Variants in SHROOM3 observed in about 807,000 individuals in gnomAD.
SHROOM3 encodes shroom family member 3.
In SHROOM3, 47 loss-of-function variants were observed where a neutral mutation model predicts 138.6. The observed-to-expected ratio is 0.34, with a 90% CI of 0.27 to 0.43. The LOEUF (loss-of-function observed/expected upper bound fraction) is 0.43, where lower values mean the gene tolerates loss of function less well. Among genes scored for constraint, SHROOM3 ranks in the 20% least tolerant of loss-of-function variants. The pLI, the probability that SHROOM3 is intolerant of heterozygous loss-of-function variation, is 1.00. For missense variants in SHROOM3, 2,491 were observed against 2,596.5 expected (o/e 0.96, Z 0.88); for synonymous variants, 1,062 against 1,063.3 (o/e 1.00, Z 0.02).
At chr4:76,548,484 C>T (rs1733274303) in intron 1 of SHROOM3, among the ~76,000 whole-genome samples, 1 of 152,202 alleles carries the variant, frequency 6.6e-6, no homozygotes, top group Non-Finnish European at 1.5e-5. Context: ...TGCCTCAAAG[C>T]ACCACGTCAA....
At chr4:76,639,479 T>A (rs551953151) in intron 2 of SHROOM3, 1 of 397,836 alleles carries the variant, frequency 2.5e-6, no homozygotes, top group Non-Finnish European at 4.4e-6. Flanking sequence ...CAGCTCTGAG[T>A]GCGTGGTGAG....
chr4:76,477,517 A>T (rs1731512512), intron 1 of SHROOM3, among the ~76,000 whole-genome samples: 1 of 151,986 alleles, frequency 6.6e-6, no homozygotes, highest in South Asian at 2.1e-4. Flanking sequence ...TAAATTTTGG[A>T]ATTATTCTCA....
chr4:76,591,029 GA>G (rs1734263048), intron 2 of SHROOM3, among the ~76,000 whole-genome samples: 1 of 152,156 alleles, frequency 6.6e-6, no homozygotes, highest in Non-Finnish European at 1.5e-5. Flanking sequence ...AATAGGTAGG[GA>G]AAGTAATAAT....
intron 2 of SHROOM3, among the ~76,000 whole-genome samples, chr4:76,605,204 C>A (rs191262307): frequency 1.3e-5 from 2 of 152,050 alleles, no homozygotes; most frequent in African/African-American, 4.8e-5. Context: ...TCAATGTTGT[C>A]GGTGCAGCAG....
rs1166570999 is a variant in SHROOM3 at position 76,754,962 on chromosome 4, C to T, written c.4479C>T (p.Val1493=). 2 of 1,614,186 alleles carry T rather than the reference C, an allele frequency of 1.2e-6. No individual in the cohort carries two copies. Among genetic ancestry groups the T allele is most frequent in the South Asian group, 2.2e-5 (2 of 91,082 alleles). ...TCTCCCTCCGAATATCTGAGTCTGT[C>T]CTGCGGGACTCCCCGCCACCTCATG... ...GRISLRISES[V]LRDSPPPHED... Residue 1493 remains valine (V), a synonymous_variant, in exon 7 of 11, where the codon GTC becomes GTT. Transcript: ENST00000296043.
chr4:76,622,579 C>T (rs10014906), intron 2 of SHROOM3, among the ~76,000 whole-genome samples: 55,348 of 151,542 alleles, frequency 0.37, 10,688 homozygotes, highest in East Asian at 0.51. Context: ...TTTCCAGAAC[C>T]CTCTTTTAAG....
chr4:76,487,817 A>G (rs886072489), intron 1 of SHROOM3, among the ~76,000 whole-genome samples: 3 of 152,216 alleles, frequency 2.0e-5, no homozygotes, highest in African/African-American at 7.2e-5. Context: ...CTCTCAAAGG[A>G]TGGAAGCAGC....
chr4:76,662,941 G>A (rs1431588597), intron 2 of SHROOM3, among the ~76,000 whole-genome samples: 1 of 151,374 alleles, frequency 6.6e-6, no homozygotes, highest in African/African-American at 2.4e-5. Flanking sequence ...GAGAGGGAGG[G>A]AGAGAGGGAG....
At position 76,652,797 on chromosome 4, in the gene SHROOM3, G is replaced by A. The variant is rs556291583; in HGVS notation, c.324-57359G>A. Among the ~76,000 whole-genome samples, 12 of 151,748 alleles carry A rather than the reference G, an allele frequency of 7.9e-5. No homozygotes were observed. In the South Asian group the frequency reaches 2.5e-3, roughly 32 times the overall value. On this transcript the variant is annotated intron_variant, in intron 2 of 10. Transcript: ENST00000296043. ...TGATGTATGTGTGTGGTGTGTATAA[G>A]TGTGTGTGTGTATATATATACATAT...
At chr4:76,438,024 C>T (rs1310600379) in intron 1 of SHROOM3, among the ~76,000 whole-genome samples, 1 of 152,092 alleles carries the variant, frequency 6.6e-6, no homozygotes, top group Non-Finnish European at 1.5e-5. Flanking sequence ...TAAATGCAAC[C>T]ATGCATTTAG....
chr4:76,465,715 T>C lies in SHROOM3; in HGVS notation c.168+29495T>C, dbSNP rs182844729. Reference sequence around the variant, plus strand: ...GGTTCCACCTTGGCATCTGTATCTTTGAGGACCTAAACAGACACAGAAATC... The same window carrying C: ...GGTTCCACCTTGGCATCTGTATCTTCGAGGACCTAAACAGACACAGAAATC... On this transcript the variant is annotated intron_variant, in intron 1 of 10. Transcript: ENST00000296043. Among the ~76,000 whole-genome samples, 12 of 152,328 alleles carry C rather than the reference T, an allele frequency of 7.9e-5. No individual in the cohort carries two copies. The East Asian group carries it at 1.7e-3, about 22-fold the overall frequency.
At chr4:76,662,527 T>C (rs1718545794) in intron 2 of SHROOM3, among the ~76,000 whole-genome samples, 1 of 152,226 alleles carries the variant, frequency 6.6e-6, no homozygotes, top group Admixed American at 6.5e-5. Context: ...TCCTGTATCT[T>C]AAGATTCATT....
intron 1 of SHROOM3, among the ~76,000 whole-genome samples, chr4:76,459,488 G>C (rs1044546192): frequency 6.6e-6 from 1 of 152,118 alleles, no homozygotes; most frequent in Non-Finnish European, 1.5e-5. Flanking sequence ...CAGCACTTCG[G>C]CAGGGAGCTT....
Position 76,739,924 on chromosome 4 carries a change from A to C in SHROOM3, c.1751A>C (p.His584Pro). 1 of 1,614,206 alleles carries C rather than the reference A, an allele frequency of 6.2e-7. No homozygotes were observed. Among genetic ancestry groups the C allele is most frequent in the Non-Finnish European group, 8.5e-7 (1 of 1,180,038 alleles). ...ACACCTCCCCAAGGCAACAGCCCAC[A>C]TTCCAATGAGAGAAAGAGCACCCAC... Reference protein sequence around the residue: ...HLTPPQGNSPHSNERKSTHSN... With the variant: ...HLTPPQGNSPPSNERKSTHSN... The change falls in exon 5 of 11, where the codon CAT (histidine) becomes CCT (proline). Residue 584 changes from histidine (H) to proline (P), a missense_variant. This residue lies in a region of SHROOM3 where 1,733 missense variants were observed against 1,661.6 expected (regional missense o/e 1.04). Transcript: ENST00000296043.
chr4:76,710,806 T>C (rs531503291), intron 3 of SHROOM3, among the ~76,000 whole-genome samples: 1 of 152,304 alleles, frequency 6.6e-6, no homozygotes, highest in East Asian at 1.9e-4. Flanking sequence ...ACCTGAGTGC[T>C]TCCCATGTGC....
chr4:76,583,042 CGTTT>C (rs376488817), intron 2 of SHROOM3, among the ~76,000 whole-genome samples: 265 of 152,254 alleles, frequency 1.7e-3, no homozygotes, highest in African/African-American at 6.1e-3. Flanking sequence ...GGAACAGATG[CGTTT>C]GTTTTTGATC....
intron 5 of SHROOM3, 82 bp downstream of exon 5, chr4:76,742,008 T>A (rs1721275259): frequency 2.7e-6 from 4 of 1,500,224 alleles, no homozygotes; most frequent in African/African-American, 2.8e-5. Flanking sequence ...CCCCCCACAC[T>A]CTCACCCGCT....
At position 76,739,292 on chromosome 4, in the gene SHROOM3, G is replaced by A. The variant is rs754732664; in HGVS notation, c.1119G>A (p.Thr373=). The change falls in exon 5 of 11, where the codon ACG becomes ACA. Residue 373 remains threonine, a synonymous_variant. Coordinates refer to ENST00000296043, the MANE Select transcript of SHROOM3 (RefSeq NM_020859.4). The part of the protein sequence containing the change: ...QQCPSSLETA[T]DNLPPKVGAP... ...GCCCCAGTTCCTTGGAGACTGCCAC[G>A]GACAACCTTCCTCCTAAGGTGGGTG... 16 of 1,613,932 alleles carry A rather than the reference G, an allele frequency of 9.9e-6. No homozygotes were observed. The highest frequency in any genetic ancestry group is 4.5e-5 in the East Asian group (2 of 44,872).
At chr4:76,746,764 A>G (rs1721446200) in intron 5 of SHROOM3, among the ~76,000 whole-genome samples, 1 of 149,986 alleles carries the variant, frequency 6.7e-6, no homozygotes, top group African/African-American at 2.4e-5. Flanking sequence ...ACTGAGATTC[A>G]GTAGACTTTA....
Sources: gnomAD v4.1 joint callset for allele counts (sites outside exome capture counted in the v4.1 genomes callset) on GRCh38, gnomAD v4.1.1 for gene constraint, gnomAD v4.1.1 regional missense constraint, MANE v1.5 for transcripts, NCBI Gene and HGNC (gene_info 2026-07-23, HGNC 2026-07-21) for gene names.